The following EIF4A3 variants were observed in gnomAD, a reference collection of about 807,000 sequenced individuals.
EIF4A3 encodes the protein eukaryotic translation initiation factor 4A3, also known as eukaryotic initiation factor 4A-III.
In EIF4A3, 1 loss-of-function variant was observed where a neutral mutation model predicts 55.6. The observed-to-expected ratio is 0.02, with a 90% confidence interval of 0.01 to 0.09. The LOEUF is 0.09. Ranked by LOEUF, EIF4A3 falls within the 10% of genes least tolerant of loss-of-function variation. EIF4A3 has a pLI of 1.00. For missense variants in EIF4A3, 221 were observed against 540.7 expected (o/e 0.41, Z 5.86); for synonymous variants, 194 against 196.3 (o/e 0.99, Z 0.10).
Position 80,137,290 on chromosome 17 carries a change from C to T in EIF4A3, c.983+96G>A. On this transcript the variant is annotated intron_variant, in intron 9 of 11. Transcript: ENST00000649764. ...TTTCAGAGCAGAAGCTTGGCATCCC[C>T]CCGGGTGTGGGGCCTGCACTTAGGC... 4 of 1,079,380 alleles carry T rather than the reference C, an allele frequency of 3.7e-6. No individual in the cohort carries two copies. The South Asian group carries it at 6.8e-5, about 18-fold the overall frequency. The allele number at this position is 1,079,380 out of a possible 1,614,324, so 66.9% of individuals were successfully genotyped here. A position where few individuals can be genotyped will look rare whatever the true frequency, so the allele number is the denominator to read the frequency against.
chr17:80,135,587 AC>A, intron 11 of EIF4A3, 81 bp from the exon 12 acceptor site: 1 of 1,296,974 alleles, frequency 7.7e-7, no homozygotes, highest in Non-Finnish European at 1.1e-6. Flanking sequence ...CTAAAACCTC[AC>A]AACAGACTTC....
At chr17:80,143,677 G>A (rs905589200) in intron 2 of EIF4A3, among the ~76,000 whole-genome samples, 2 of 152,192 alleles carry the variant, frequency 1.3e-5, no homozygotes, top group African/African-American at 4.8e-5. Flanking sequence ...AGCAAAGCTG[G>A]CTAAGAAAAT....
At position 80,146,814 on chromosome 17, in the gene EIF4A3, G is replaced by A. The variant is rs745326354; in HGVS notation, c.148C>T (p.Leu50=). The A allele has an allele frequency of 3.7e-6, 6 of 1,609,958 alleles. No homozygotes were observed. Among genetic ancestry groups the A allele is most frequent in the Non-Finnish European group, 4.2e-6 (5 of 1,178,966 alleles). The change falls in exon 1 of 12, where the codon CTG becomes TTG. Residue 50 remains leucine, a synonymous_variant. Transcript: ENST00000649764. Reference sequence around the variant, plus strand: ...TCACCGTAAGCGTAGATGCCCCGCAGCAGGTCCTCCCGCAGGCCCATGGTG... The same window carrying A: ...TCACCGTAAGCGTAGATGCCCCGCAACAGGTCCTCCCGCAGGCCCATGGTG... ...FDTMGLREDL[L]RGIYAYGFEK... is the part of the protein sequence containing the mutation.
chr17:80,141,862 C>T lies in EIF4A3; in HGVS notation c.243-14G>A. On this transcript the variant is annotated splice_polypyrimidine_tract_variant and intron_variant, in intron 2 of 11. Coordinates refer to ENST00000649764, the MANE Select transcript of EIF4A3 (RefSeq NM_014740.4). ...CCGGACTGAGACCTATTCAAGGAAA[C>T]AAAAGCAGTGGGATTAGAGGGAGGA... 1 of 1,612,958 alleles carries T rather than the reference C, an allele frequency of 6.2e-7. No homozygotes were observed. Among genetic ancestry groups the T allele is most frequent in the Non-Finnish European group, 8.5e-7 (1 of 1,179,150 alleles).
At position 80,138,243 on chromosome 17, in the gene EIF4A3, C is replaced by T; in HGVS notation, c.766G>A (p.Val256Met). The T allele has an allele frequency of 6.2e-7, 1 of 1,613,978 alleles. No homozygotes were observed. The highest frequency in any genetic ancestry group is 2.2e-5 in the East Asian group (1 of 44,882). The change falls in exon 8 of 12, where the codon GTG becomes ATG. Residue 256 changes from valine (V) to methionine (M), a missense_variant. Coordinates refer to ENST00000649764, the MANE Select transcript of EIF4A3 (RefSeq NM_014740.4). ...TTCCACTCTTCCCTCTCCACTGCCA[C>T]GAAAAATTGCTTGATGCCTTCCAGA... is the stretch of plus-strand genomic sequence containing the variant. The part of the protein sequence containing the change: ...LTLEGIKQFF[V>M]AVEREEWKFD...
chr17:80,137,493 C>A lies in EIF4A3; in HGVS notation c.876G>T (p.Trp292Cys). 6.2e-7 allele frequency: 1 copy of A among 1,613,210 alleles called. No individual in the cohort carries two copies. Among genetic ancestry groups the A allele is most frequent in the Non-Finnish European group, 8.5e-7 (1 of 1,179,562 alleles). Reference protein sequence around the residue: ...IFCNTKRKVDWLTEKMREANF... With the variant: ...IFCNTKRKVDCLTEKMREANF... ...TGGCTTCCCTCATTTTCTCCGTCAG[C>A]CAGTCCACCTACAAATCCAATCAAC... is the stretch of plus-strand genomic sequence containing the variant. The change falls in exon 9 of 12, where the codon TGG (tryptophan) becomes TGT (cysteine). Residue 292 changes from tryptophan to cysteine, a missense_variant. Around this residue, in one of 4 missense-constraint regions of EIF4A3, gnomAD observed 93 missense variants for 278.5 expected, o/e 0.33. Coordinates refer to ENST00000649764, the MANE Select transcript of EIF4A3 (RefSeq NM_014740.4).
intron 9 of EIF4A3, 122 bp downstream of exon 9, chr17:80,137,264 C>G (rs2039578484): frequency 3.7e-6 from 3 of 814,498 alleles, no homozygotes; most frequent in Non-Finnish European, 5.6e-6. Flanking sequence ...AGGGCCTCAG[C>G]TTTCAGAGCA....
At chr17:80,146,087 T>G (rs1040529405) in intron 1 of EIF4A3, among the ~76,000 whole-genome samples, 4 of 151,962 alleles carry the variant, frequency 2.6e-5, no homozygotes, top group African/African-American at 9.7e-5. Context: ...GAAATTCAAA[T>G]TATTCGTCAC....
Position 80,135,161 on chromosome 17 carries a change from A to AT in EIF4A3, c.*328_*329insA. ...AGGGAGACTGTCTCAAAAAAAAAAA[A>AT]GAAAAAGAAAAGAAAAAAAGAAAAG... On this transcript the variant is annotated 3_prime_UTR_variant, in exon 12 of 12. Coordinates refer to ENST00000649764, the MANE Select transcript of EIF4A3 (RefSeq NM_014740.4). 2 of 240,280 alleles carry AT rather than the reference A, an allele frequency of 8.3e-6. No individual in the cohort carries two copies. Among genetic ancestry groups the AT allele is most frequent in the East Asian group, 7.6e-5 (1 of 13,196 alleles). 14.9% of individuals were successfully genotyped at this position (240,280 alleles called of 1,614,324 possible). A position where few individuals can be genotyped will look rare whatever the true frequency, so the allele number is the denominator to read the frequency against.
rs987767849 is a variant in EIF4A3, at chr17:80,141,194, A to T, written c.372+125T>A. 1.9e-5 allele frequency: 19 copies of T among 1,002,536 alleles called. No individual in the cohort carries two copies. In the Admixed American group the frequency reaches 2.4e-4, roughly 13 times the overall value. The allele number at this position is 1,002,536 out of a possible 1,614,324, so 62.1% of individuals were successfully genotyped here. On this transcript the variant is annotated intron_variant, in intron 4 of 11. Transcript: ENST00000649764. The stretch of plus-strand genomic sequence containing the variant: ...ATATAATGATTAATGGCAAAATGTT[A>T]ATCAGGAAGAAAATTTTGAGGTATC...
intron 2 of EIF4A3, 33 bp downstream of exon 2, chr17:80,144,139 T>A: frequency 1.2e-6 from 2 of 1,610,434 alleles, no homozygotes; most frequent in Non-Finnish European, 1.7e-6. Context: ...CAAATTTACA[T>A]CCAGCCCTGC....
chr17:80,136,020 A>T lies in EIF4A3; in HGVS notation c.1203T>A (p.Asp401Glu). 6.2e-7 allele frequency: 1 copy of T among 1,613,834 alleles called. No homozygotes were observed. The highest frequency in any genetic ancestry group is 8.5e-7 in the Non-Finnish European group (1 of 1,179,818). ...ATTTCCTACCGTTCATCGGCATCTC[A>T]TCAATCTGAGTGGAATAGTACTGCT... ...DIEQYYSTQI[D>E]EMPMNVADLI Residue 401 changes from aspartate (D) to glutamate (E), a missense_variant, in exon 11 of 12, where the codon GAT (aspartate) becomes GAA (glutamate). Asp to Glu is a conservative substitution (Grantham distance 45). Coordinates refer to ENST00000649764, the MANE Select transcript of EIF4A3 (RefSeq NM_014740.4).
Position 80,136,005 on chromosome 17 carries a change from G to A in EIF4A3, c.1218C>T (p.Asn406=), listed in dbSNP as rs143198128. ...CAGTAGAGCTGGACGATTTCCTACC[G>A]TTCATCGGCATCTCATCAATCTGAG... The part of the protein sequence containing the change: ...YSTQIDEMPM[N]VADLI Residue 406 remains asparagine (N), a splice_region_variant and synonymous_variant, in exon 11 of 12, where the codon AAC becomes AAT. Transcript: ENST00000649764. 2.1e-4 allele frequency: 340 copies of A among 1,613,564 alleles called. 1 individual carries two copies. The highest frequency in any genetic ancestry group is 1.5e-4 in the Admixed American group (9 of 59,974).
intron 11 of EIF4A3, 63 bp downstream of exon 11, chr17:80,135,941 T>G: frequency 6.4e-7 from 1 of 1,560,152 alleles, no homozygotes; most frequent in Non-Finnish European, 8.7e-7. Flanking sequence ...CAAACTCAGG[T>G]GCCCCAAACT....
intron 11 of EIF4A3, 198 bp from the exon 12 acceptor site, chr17:80,135,704 TG>T (rs2039564711): frequency 1.6e-6 from 1 of 617,782 alleles, no homozygotes; most frequent in Non-Finnish European, 2.9e-6. Context: ...GAGACCAGCC[TG>T]GCCAACATGG....
rs930613242 is a variant in EIF4A3 at position 80,134,523 on chromosome 17, A to C, written c.*967T>G. ...TGGGCTCTCAAAAAAACAACAAAAA[A>C]AAAAAATTAGAAAAATGAGGCCAGG... On this transcript the variant is annotated 3_prime_UTR_variant, in exon 12 of 12. Coordinates refer to ENST00000649764, the MANE Select transcript of EIF4A3 (RefSeq NM_014740.4). Among the ~76,000 whole-genome samples, 3 of 152,048 alleles carry C rather than the reference A, an allele frequency of 2.0e-5. No homozygotes were observed. The highest frequency in any genetic ancestry group is 2.1e-4 in the South Asian group (1 of 4,820).
In EIF4A3 at chr17:80,139,762, G is replaced by A. The variant is rs2039602516; in HGVS notation, c.506-12C>T. ...GCGACGAATCATATCTATAACATGA[G>A]ATTTTGAAATACTTACGACAAATCA... On this transcript the variant is annotated splice_polypyrimidine_tract_variant and intron_variant, in intron 5 of 11. Transcript: ENST00000649764. The A allele has an allele frequency of 6.2e-7, 1 of 1,610,516 alleles. No homozygotes were observed. The highest frequency in any genetic ancestry group is 8.5e-7 in the Non-Finnish European group (1 of 1,178,482).
At chr17:80,137,304 C>G (rs2039578899) in intron 9 of EIF4A3, 82 bp downstream of exon 9, 11 of 1,233,050 alleles carry the variant, frequency 8.9e-6, no homozygotes, top group Non-Finnish European at 1.2e-5. Flanking sequence ...GGTGTGGGGC[C>G]TGCACTTAGG....
At chr17:80,146,510 T>C (rs573917421) in intron 1 of EIF4A3, among the ~76,000 whole-genome samples, 11 of 152,312 alleles carry the variant, frequency 7.2e-5, no homozygotes, top group Non-Finnish European at 1.6e-4. Flanking sequence ...ATCAGTTATC[T>C]GCTGAATGAA....
Sources: gnomAD v4.1 joint callset for allele counts (sites outside exome capture counted in the v4.1 genomes callset) on GRCh38, gnomAD v4.1.1 for gene constraint, gnomAD v4.1.1 regional missense constraint, MANE v1.5 for transcripts, NCBI Gene and HGNC (gene_info 2026-07-23, HGNC 2026-07-21) for gene names.